Variants in INPP4B observed in about 807,000 individuals in gnomAD.
INPP4B encodes inositol polyphosphate-4-phosphatase type II B, also known as inositol polyphosphate 4-phosphatase type II.
Under a neutral mutation model 122.5 loss-of-function variants are expected in INPP4B, and 55 were observed. The ratio of observed to expected loss-of-function variants is 0.45; its 90% CI spans 0.36 to 0.56. INPP4B has a LOEUF of 0.56. Among genes scored for constraint, INPP4B ranks in the 20% least tolerant of loss-of-function variants. INPP4B has a pLI of 0.00. For synonymous variants in INPP4B, 403 were observed against 388.7 expected, an observed-to-expected ratio of 1.04 and a Z score of -0.43; for missense variants, 1,000 against 1,097.7, an observed-to-expected ratio of 0.91 and a Z score of 1.26.
In INPP4B at chr4:142,351,136, A is replaced by G. The variant is rs559653918; in HGVS notation, c.373-36374T>C. Among the ~76,000 whole-genome samples the G allele has an allele frequency of 9.2e-5, 14 of 152,118 alleles. No individual in the cohort carries two copies. In the South Asian group the frequency reaches 2.9e-3, roughly 31 times the overall value. ...GTACTATTGCATGGCTTTCAGAGATACTAGAGCTAGCCTGACCCATGTTCC... is the reference window on the plus strand; with the variant it reads ...GTACTATTGCATGGCTTTCAGAGATGCTAGAGCTAGCCTGACCCATGTTCC... On this transcript the variant is annotated intron_variant, in intron 7 of 25. Coordinates refer to ENST00000262992, the MANE Select transcript of INPP4B (RefSeq NM_001101669.3).
At chr4:142,203,139 C>A (rs755434446) in intron 14 of INPP4B, among the ~76,000 whole-genome samples, 2 of 152,096 alleles carry the variant, frequency 1.3e-5, no homozygotes. Flanking sequence ...CTGTGTCAGG[C>A]ACTGTGATCA....
At chr4:142,185,835 C>A (rs559551783) in intron 15 of INPP4B, among the ~76,000 whole-genome samples, 1 of 148,326 alleles carries the variant, frequency 6.7e-6, no homozygotes, top group African/African-American at 2.5e-5. Flanking sequence ...GCCGAGATTG[C>A]GCCACTGCAC....
upstream of INPP4B, chr4:142,846,311 G>A (rs992805494): frequency 6.6e-6 from 1 of 152,364 alleles, no homozygotes; most frequent in Non-Finnish European, 1.5e-5. This position sits in a 1 kb window ranked among gnomAD's most constrained non-coding sequence, Gnocchi z 5.1. Context: ...CGCCCAGGAG[G>A]AGCTGTAACC....
At chr4:142,320,885 G>A (rs758639055) in intron 7 of INPP4B, among the ~76,000 whole-genome samples, 2 of 152,090 alleles carry the variant, frequency 1.3e-5, no homozygotes, top group Non-Finnish European at 2.9e-5. Flanking sequence ...TGGGCATTTG[G>A]GCTGGTTCTA....
chr4:142,560,875 C>A (rs1473528878), intron 2 of INPP4B, among the ~76,000 whole-genome samples: 1 of 152,178 alleles, frequency 6.6e-6, no homozygotes, highest in Non-Finnish European at 1.5e-5. Flanking sequence ...TACTTTGCAT[C>A]CTTCAATGCA....
chr4:142,383,105 T>C (rs918074954), intron 7 of INPP4B, among the ~76,000 whole-genome samples: 4 of 152,156 alleles, frequency 2.6e-5, no homozygotes, highest in Admixed American at 6.6e-5. Context: ...GATGTACTGA[T>C]ATTAAGCCAC....
chr4:142,105,347 A>C (rs775416326), intron 23 of INPP4B, among the ~76,000 whole-genome samples: 23 of 152,214 alleles, frequency 1.5e-4, no homozygotes, highest in Non-Finnish European at 2.9e-4. Flanking sequence ...CGCAATTACT[A>C]ACTACTAAAG....
intron 2 of INPP4B, among the ~76,000 whole-genome samples, chr4:142,706,397 TATCA>T (rs1343221130): frequency 2.0e-5 from 3 of 152,340 alleles, no homozygotes; most frequent in South Asian, 2.1e-4. Flanking sequence ...TGAGAAACTA[TATCA>T]ATCAATCAAT....
rs13133767 is a variant in INPP4B, at chr4:142,122,251, C to T, written c.2018-6G>A. On this transcript the variant is annotated splice_region_variant and splice_polypyrimidine_tract_variant and intron_variant, in intron 20 of 25. Coordinates refer to ENST00000262992, the MANE Select transcript of INPP4B (RefSeq NM_001101669.3). Reference sequence around the variant, plus strand: ...TAGCATTCCAATTTCATCGCCTAAACAATAGAAAAGGCACTTAGCTACAAA... The same window carrying T: ...TAGCATTCCAATTTCATCGCCTAAATAATAGAAAAGGCACTTAGCTACAAA... The T allele has an allele frequency of 0.13, 211,645 of 1,598,582 alleles. 15,096 individuals are homozygous for T. The highest frequency in any genetic ancestry group is 0.19 in the South Asian group (17,082 of 89,788).
At chr4:142,385,713 C>T (rs940941165) in intron 7 of INPP4B, among the ~76,000 whole-genome samples, 4 of 152,070 alleles carry the variant, frequency 2.6e-5, no homozygotes, top group Admixed American at 1.3e-4. Flanking sequence ...GTCAAGCATC[C>T]ATTCTCCCAC....
intron 9 of INPP4B, among the ~76,000 whole-genome samples, chr4:142,284,432 A>G (rs1752596837): frequency 6.6e-6 from 1 of 152,180 alleles, no homozygotes; most frequent in Non-Finnish European, 1.5e-5. Flanking sequence ...TTGTATAATA[A>G]CAGGAAGAAA....
chr4:142,832,307 A>C (rs1460347010), intron 1 of INPP4B, among the ~76,000 whole-genome samples: 1 of 152,180 alleles, frequency 6.6e-6, no homozygotes, highest in Non-Finnish European at 1.5e-5. Context: ...ACCATGAAAA[A>C]AAAATTGGCT....
chr4:142,653,096 C>A (rs1002871574), intron 2 of INPP4B, among the ~76,000 whole-genome samples: 1 of 152,154 alleles, frequency 6.6e-6, no homozygotes, highest in Non-Finnish European at 1.5e-5. Flanking sequence ...TGATCTTTGA[C>A]AAACCTGACA....
At chr4:142,185,776 G>A (rs2152992421) in intron 15 of INPP4B, among the ~76,000 whole-genome samples, 1 of 151,534 alleles carries the variant, frequency 6.6e-6, no homozygotes, top group Non-Finnish European at 1.5e-5. Flanking sequence ...CTACTCGGGA[G>A]GCTGAGGCAG....
intron 2 of INPP4B, among the ~76,000 whole-genome samples, chr4:142,493,533 C>G (rs1822141441): frequency 6.6e-6 from 1 of 152,140 alleles, no homozygotes; most frequent in Admixed American, 6.5e-5. Context: ...ATGTGAGACA[C>G]AGAATCAAAG....
chr4:142,560,969 T>C (rs1223004330), intron 2 of INPP4B, among the ~76,000 whole-genome samples: 1 of 152,214 alleles, frequency 6.6e-6, no homozygotes, highest in Non-Finnish European at 1.5e-5. Flanking sequence ...ATCTTGACTG[T>C]CATTTTGGTG....
chr4:142,691,598 A>C (rs960306573), intron 2 of INPP4B, among the ~76,000 whole-genome samples: 1 of 152,172 alleles, frequency 6.6e-6, no homozygotes, highest in Non-Finnish European at 1.5e-5. Context: ...ACACAAACTC[A>C]GAATCCTGGT....
chr4:142,036,891 A>G (rs2152307634), intron 25 of INPP4B, among the ~76,000 whole-genome samples: 1 of 152,312 alleles, frequency 6.6e-6, no homozygotes. Context: ...CCTACTAAGA[A>G]TAGTACAAAT....
intron 7 of INPP4B, among the ~76,000 whole-genome samples, chr4:142,319,612 A>G (rs1769226730): frequency 6.6e-6 from 1 of 152,150 alleles, no homozygotes; most frequent in African/African-American, 2.4e-5. Flanking sequence ...CACCAATGAA[A>G]TGTACATGCA....
Sources: allele counts gnomAD v4.1 joint callset (sites outside exome capture counted in the v4.1 genomes callset), GRCh38; gene constraint gnomAD v4.1.1; non-coding constraint Gnocchi (gnomAD v3.1); transcripts MANE v1.5; gene names NCBI Gene and HGNC (gene_info 2026-07-23, HGNC 2026-07-21).